The following EIF2D variants were observed in gnomAD, a reference collection of about 807,000 sequenced individuals.
EIF2D encodes hepatocellular carcinoma-associated antigen 56.
Under a neutral mutation model 77.4 loss-of-function variants are expected in EIF2D, and 56 were observed. The ratio of observed to expected loss-of-function variants is 0.72; its 90% CI spans 0.58 to 0.90. The LOEUF (loss-of-function observed/expected upper bound fraction) is 0.90. Ranked by LOEUF, EIF2D falls within the 40% of genes least tolerant of loss-of-function variation. The pLI is 0.00. For missense variants in EIF2D, 574 were observed against 706.5 expected, an observed-to-expected ratio of 0.81 and a Z score of 2.13; for synonymous variants, 230 against 271.0, an observed-to-expected ratio of 0.85 and a Z score of 1.49.
At chr1:206,587,025 TATTA>T (rs1553407820), downstream of EIF2D, 21 of 1,603,100 alleles carry the variant, frequency 1.3e-5, no homozygotes, top group Admixed American at 3.4e-5. Flanking sequence ...TTATTTGTAT[TATTA>T]ATTATTATTT....
chr1:206,604,161 G>A (rs1412769118), intron 5 of EIF2D, among the ~76,000 whole-genome samples: 11 of 152,180 alleles, frequency 7.2e-5, no homozygotes, highest in African/African-American at 2.4e-4. Context: ...CAGTAAGTCC[G>A]GCGGGGAGCG....
intron 8 of EIF2D, among the ~76,000 whole-genome samples, 173 bp from the exon 9 acceptor site, chr1:206,600,009 C>G (rs924862243): frequency 6.6e-6 from 1 of 152,172 alleles, no homozygotes; most frequent in African/African-American, 2.4e-5. Context: ...GAGCAAGAAG[C>G]TGCTAGAGAC....
chr1:206,584,513 A>G lies in EIF2D; in HGVS notation c.139-3351T>C. ...CATCAAGGAGGTGAACCTGGCGGCT[A>G]CCACGGACAAGCGGACATCCTTCTA... On this transcript the variant is annotated intron_variant and NMD_transcript_variant, in intron 2 of 5. Coordinates refer to the EIF2D transcript ENST00000472709. The surrounding 1 kb of genome is among the most constrained non-coding windows in gnomAD (Gnocchi z 4.9). 1 of 1,614,150 alleles carries G rather than the reference A, an allele frequency of 6.2e-7. No homozygotes were observed. The highest frequency in any genetic ancestry group is 8.5e-7 in the Non-Finnish European group (1 of 1,180,002).
chr1:206,577,248 T>C (rs1037843360), intron 4 of EIF2D, among the ~76,000 whole-genome samples: 12 of 152,116 alleles, frequency 7.9e-5, no homozygotes, highest in Non-Finnish European at 1.6e-4. Flanking sequence ...ACAGAAAAAG[T>C]TTGCCAACCA....
chr1:206,578,656 C>T (rs1266852958), intron 4 of EIF2D, among the ~76,000 whole-genome samples: 1 of 152,150 alleles, frequency 6.6e-6, no homozygotes, highest in Admixed American at 6.5e-5. Flanking sequence ...AAAAAGTAGG[C>T]ACGGATGTAT....
At chr1:206,570,078 CTTTTTTTTTTTTTT>C (rs375900760), downstream of EIF2D, among the ~76,000 whole-genome samples, 2 of 119,378 alleles carry the variant, frequency 1.7e-5, no homozygotes, top group African/African-American at 6.6e-5. Flanking sequence ...TAAAATTTAC[CTTTTTTTTTTTTTT>C]TTTTTTTTTT....
chr1:206,573,833 GC>G (rs1257131810), intron 4 of EIF2D, among the ~76,000 whole-genome samples: 3 of 152,194 alleles, frequency 2.0e-5, no homozygotes, highest in African/African-American at 7.2e-5. Flanking sequence ...TATAGTGAGA[GC>G]CCCATCTCTT....
At chr1:206,609,711 A>G (rs1260330948) in intron 2 of EIF2D, among the ~76,000 whole-genome samples, 2 of 152,226 alleles carry the variant, frequency 1.3e-5, no homozygotes, top group Non-Finnish European at 2.9e-5. Flanking sequence ...CAGTGGACAA[A>G]AAAGTGAGGG....
downstream of EIF2D, chr1:206,589,003 A>AGAT (rs1669250711): frequency 6.5e-6 from 1 of 152,764 alleles, no homozygotes; most frequent in East Asian, 1.9e-4. Context: ...ATATATAAAG[A>AGAT]GATAAGGGTG....
intron 2 of EIF2D, chr1:206,585,543 G>A: frequency 2.9e-6 from 1 of 340,868 alleles, no homozygotes. Flanking sequence ...GATTTCATGT[G>A]CTTTATTTCT....
At chr1:206,572,689 C>T (rs989037986) in exon 5 of EIF2D, 11 of 152,140 alleles carry the variant, frequency 7.2e-5, no homozygotes, top group African/African-American at 2.2e-4. Flanking sequence ...TCCACAAAAA[C>T]GTTTTAATTT....
In EIF2D at chr1:206,599,882, C is replaced by T. The variant is rs782064616; in HGVS notation, c.949-46G>A. The T allele has an allele frequency of 6.4e-7, 1 of 1,572,572 alleles. No homozygotes were observed. The highest frequency in any genetic ancestry group is 8.7e-7 in the Non-Finnish European group (1 of 1,144,544). ...GGTAGGGGACTTCATTGATTCCACA[C>T]ACATACTGAGCACCCAGGATGTGCC... On this transcript the variant is annotated intron_variant, in intron 8 of 14. Coordinates refer to ENST00000271764, the MANE Select transcript of EIF2D (RefSeq NM_006893.3). The surrounding 1 kb of genome is among the most constrained non-coding windows in gnomAD (Gnocchi z 4.1).
At chr1:206,593,506 A>AGTGTGTGTGTGTGTGT (rs1286437460) in intron 14 of EIF2D, 113 bp downstream of exon 14, 55 of 442,626 alleles carry the variant, frequency 1.2e-4, no homozygotes, top group Middle Eastern at 6.1e-4. Context: ...AGAGAGAGAG[A>AGTGTGTGTGTGTGTGT]GAGTGTGTGT....
exon 6 of EIF2D, chr1:206,571,463 T>C (rs2103552722): frequency 6.6e-6 from 1 of 152,288 alleles, no homozygotes; most frequent in South Asian, 2.1e-4. Context: ...CCATCCTTAA[T>C]TAACTCTGCA....
chr1:206,610,164 T>C (rs1469927842), intron 2 of EIF2D, among the ~76,000 whole-genome samples: 4 of 152,214 alleles, frequency 2.6e-5, no homozygotes, highest in Admixed American at 2.0e-4. Flanking sequence ...AATCCAGCTT[T>C]ATTCCTATCA....
chr1:206,602,418 G>A lies in EIF2D; in HGVS notation c.820C>T (p.His274Tyr), dbSNP rs1558536833. The change falls in exon 7 of 15, where the codon CAT (histidine) becomes TAT (tyrosine). Residue 274 changes from histidine to tyrosine, a missense_variant. By Grantham distance (83) the His-to-Tyr change is moderately conservative. Transcript: ENST00000271764. Reference protein sequence around the residue: ...MDELLQQCFLHALKCRVKKAD... With the variant: ...MDELLQQCFLYALKCRVKKAD... ...TTTTTGACTCGGCACTTCAAGGCATGTAAGAAGCATTGCTGTAACAGCTCA... is the reference window on the plus strand; with the variant it reads ...TTTTTGACTCGGCACTTCAAGGCATATAAGAAGCATTGCTGTAACAGCTCA... 3.1e-6 allele frequency: 5 copies of A among 1,614,184 alleles called. No homozygotes were observed. The highest frequency in any genetic ancestry group is 4.2e-6 in the Non-Finnish European group (5 of 1,180,016).
At position 206,603,030 on chromosome 1, in the gene EIF2D, G is replaced by T; in HGVS notation, c.705C>A (p.Asp235Glu). ...ENGEVHQARE[D>E]KSLSEAPEDT... ...CTTCTGGGGCTTCTGAGAGAGACTT[G>T]TCTTCACGTGCCTGGTGAACCTCCC... is the stretch of plus-strand genomic sequence containing the variant. The change falls in exon 6 of 15, where the codon GAC becomes GAA. Residue 235 changes from aspartate to glutamate, a missense_variant. Physicochemically the swap from Asp to Glu is conservative, Grantham distance 45. Coordinates refer to ENST00000271764, the MANE Select transcript of EIF2D (RefSeq NM_006893.3). The T allele has an allele frequency of 1.2e-6, 2 of 1,614,154 alleles. No homozygotes were observed.
At chr1:206,601,346 G>C (rs782049935) in intron 7 of EIF2D, 1 of 152,208 alleles carries the variant, frequency 6.6e-6, no homozygotes, top group Non-Finnish European at 1.5e-5. Flanking sequence ...GAGGCAGGCG[G>C]ATCACTTGAG....
At chr1:206,573,045 G>T (rs1553404514) in intron 4 of EIF2D, among the ~76,000 whole-genome samples, 1 of 152,228 alleles carries the variant, frequency 6.6e-6, no homozygotes, top group African/African-American at 2.4e-5. Context: ...TGGTGATGAT[G>T]ATAATTTGGA....
Sources: gnomAD v4.1 joint callset for allele counts (sites outside exome capture counted in the v4.1 genomes callset) on GRCh38, gnomAD v4.1.1 for gene constraint, Gnocchi (gnomAD v3.1) non-coding constraint, MANE v1.5 for transcripts, NCBI Gene and HGNC (gene_info 2026-07-23, HGNC 2026-07-21) for gene names.